SLCO1B1: variants seen among roughly 807,000 people sequenced by gnomAD.
SLCO1B1 encodes the protein OATP-2.
SLCO1B1 carries 81 observed loss-of-function variants against 70.1 expected under a neutral mutation model. The observed-to-expected ratio is 1.16, with a 90% CI of 0.97 to 1.39. The LOEUF is 1.39. Among genes scored for constraint, SLCO1B1 ranks in the 40% most tolerant of loss-of-function variants. The pLI, the probability that SLCO1B1 is intolerant of heterozygous loss-of-function variation, is 0.00. For synonymous variants in SLCO1B1, 283 were observed against 271.5 expected, an observed-to-expected ratio of 1.04 and a Z score of -0.42; for missense variants, 895 against 799.6, an observed-to-expected ratio of 1.12 and a Z score of -1.44.
chr12:21,220,815 T>TAA (rs35163063), intron 12 of SLCO1B1, among the ~76,000 whole-genome samples: 12,977 of 121,214 alleles, frequency 0.11, 903 homozygotes, highest in East Asian at 0.36. Context: ...AAGACTGGTC[T>TAA]AAAAAAAAAA....
At chr12:21,213,711 G>A (rs1170446562) in intron 11 of SLCO1B1, among the ~76,000 whole-genome samples, 4 of 138,444 alleles carry the variant, frequency 2.9e-5, no homozygotes, top group Admixed American at 7.4e-5. Flanking sequence ...CCAATCAGAC[G>A]TAGATTTGGT....
intron 12 of SLCO1B1, among the ~76,000 whole-genome samples, chr12:21,219,850 C>T (rs1941402154): frequency 6.6e-6 from 1 of 151,890 alleles, no homozygotes; most frequent in South Asian, 2.1e-4. Flanking sequence ...AACCCTCCGC[C>T]TCCCAGGTTC....
intron 1 of SLCO1B1, among the ~76,000 whole-genome samples, chr12:21,138,733 A>G (rs1010295737): frequency 6.7e-6 from 1 of 150,100 alleles, no homozygotes; most frequent in Non-Finnish European, 1.5e-5. Context: ...AAGTATAAAA[A>G]TATTGAAGAG....
At chr12:21,139,916 C>T (rs1011726483) in intron 1 of SLCO1B1, among the ~76,000 whole-genome samples, 1 of 151,404 alleles carries the variant, frequency 6.6e-6, no homozygotes, top group Admixed American at 6.6e-5. Flanking sequence ...AAGTGCTCTC[C>T]GGTGCACAAG....
chr12:21,209,436 A>T (rs1409448422), intron 11 of SLCO1B1, among the ~76,000 whole-genome samples: 3 of 152,150 alleles, frequency 2.0e-5, no homozygotes, highest in East Asian at 1.9e-4. Context: ...TATGTGCCAC[A>T]TTTTCTTAAT....
intron 9 of SLCO1B1, among the ~76,000 whole-genome samples, chr12:21,201,701 T>C (rs1941160091): frequency 6.6e-6 from 1 of 152,164 alleles, no homozygotes; most frequent in African/African-American, 2.4e-5. Context: ...GTTTTGTTGT[T>C]GTTTATTTCC....
chr12:21,224,589 G>A (rs1591827631), intron 13 of SLCO1B1, 133 bp from the exon 14 acceptor site: 1 of 663,406 alleles, frequency 1.5e-6, no homozygotes, highest in East Asian at 2.6e-5. Flanking sequence ...TTGGGTAGAT[G>A]CAGAACAAAA....
intron 14 of SLCO1B1, among the ~76,000 whole-genome samples, chr12:21,233,329 T>A (rs1304343503): frequency 6.6e-6 from 1 of 152,012 alleles, no homozygotes; most frequent in African/African-American, 2.4e-5. Flanking sequence ...TTTAGAGGTC[T>A]CCTCCACATA....
intron 14 of SLCO1B1, among the ~76,000 whole-genome samples, chr12:21,235,218 T>A (rs898899191): frequency 1.3e-5 from 2 of 151,898 alleles, no homozygotes; most frequent in African/African-American, 4.8e-5. Context: ...TTTATAAATA[T>A]GATTGCTTCA....
At chr12:21,232,804 T>A (rs1941555014) in intron 14 of SLCO1B1, among the ~76,000 whole-genome samples, 1 of 152,024 alleles carries the variant, frequency 6.6e-6, no homozygotes. Context: ...TTCTTACCCC[T>A]TTTGCCAGCA....
intron 1 of SLCO1B1, among the ~76,000 whole-genome samples, chr12:21,139,222 A>G (rs1286938323): frequency 6.6e-6 from 1 of 152,140 alleles, no homozygotes; most frequent in African/African-American, 2.4e-5. Context: ...TATTTAAATT[A>G]TGAAGAAAGA....
chr12:21,182,505 T>G (rs1940914924), intron 7 of SLCO1B1, among the ~76,000 whole-genome samples: 1 of 152,152 alleles, frequency 6.6e-6, no homozygotes, highest in South Asian at 2.1e-4. Context: ...TCCTGTGAGC[T>G]GGGACACATC....
chr12:21,201,072 A>C (rs1210048487), intron 9 of SLCO1B1, among the ~76,000 whole-genome samples: 1 of 152,142 alleles, frequency 6.6e-6, no homozygotes, highest in Non-Finnish European at 1.5e-5. Context: ...AGTTCCAAAA[A>C]GAGTATCGAT....
intron 14 of SLCO1B1, among the ~76,000 whole-genome samples, chr12:21,232,652 T>C (rs1941551164): frequency 6.6e-6 from 1 of 151,904 alleles, no homozygotes; most frequent in Non-Finnish European, 1.5e-5. Context: ...AAGACTAGTC[T>C]CAAAAATTCA....
At chr12:21,203,251 A>C (rs1419689337) in intron 10 of SLCO1B1, among the ~76,000 whole-genome samples, 1 of 152,002 alleles carries the variant, frequency 6.6e-6, no homozygotes, top group African/African-American at 2.4e-5. Flanking sequence ...TATTATCTAC[A>C]TTGGAAGTAG....
chr12:21,186,037 A>G (rs999315999), intron 7 of SLCO1B1, among the ~76,000 whole-genome samples: 2 of 152,080 alleles, frequency 1.3e-5, no homozygotes, highest in Admixed American at 1.3e-4. Flanking sequence ...CAAGTTATCA[A>G]ATTGAATTAG....
At chr12:21,145,320 C>CT (rs1315297007) in intron 2 of SLCO1B1, among the ~76,000 whole-genome samples, 1 of 151,554 alleles carries the variant, frequency 6.6e-6, no homozygotes, top group African/African-American at 2.4e-5. Context: ...AGTTGCTGCA[C>CT]TTTTTTTGAG....
intron 7 of SLCO1B1, among the ~76,000 whole-genome samples, chr12:21,185,760 A>G (rs1940956657): frequency 6.6e-6 from 1 of 152,084 alleles, no homozygotes; most frequent in African/African-American, 2.4e-5. Flanking sequence ...TGCAAAATGT[A>G]TACAAAAGAT....
At chr12:21,209,621 G>A (rs181690891) in intron 11 of SLCO1B1, among the ~76,000 whole-genome samples, 2,528 of 152,128 alleles carry the variant, frequency 0.017, 66 homozygotes, top group African/African-American at 0.058. Context: ...CTAGATCTCT[G>A]AGGAATCGCC....
Sources: gnomAD v4.1 joint callset for allele counts (sites outside exome capture counted in the v4.1 genomes callset) on GRCh38, gnomAD v4.1.1 for gene constraint, MANE v1.5 for transcripts, NCBI Gene and HGNC (gene_info 2026-07-23, HGNC 2026-07-21) for gene names.